The following EIF4G3 variants were observed in gnomAD, a reference collection of about 807,000 sequenced individuals.
EIF4G3 encodes eIF-4-gamma 3.
Under a neutral mutation model 186.4 loss-of-function variants are expected in EIF4G3, and 34 were observed. That is an observed-to-expected ratio of 0.18 (90% CI 0.14 to 0.24). The LOEUF (loss-of-function observed/expected upper bound fraction) is 0.24, where lower values mean the gene tolerates loss of function less well. EIF4G3 is among the 10% of genes least tolerant of loss of function. EIF4G3 has a pLI of 1.00. For missense variants in EIF4G3, 1,536 were observed against 1,948.5 expected (o/e 0.79, Z 3.99); for synonymous variants, 673 against 679.5 (o/e 0.99, Z 0.15).
chr1:21,159,437 A>G (rs1002794424), intron 2 of EIF4G3, among the ~76,000 whole-genome samples: 2 of 151,584 alleles, frequency 1.3e-5, no homozygotes, highest in African/African-American at 4.9e-5. Context: ...GGTTTAAAAA[A>G]AAAAAAAAGA....
intron 18 of EIF4G3, chr1:20,892,817 A>G: frequency 1.1e-6 from 1 of 908,794 alleles, no homozygotes; most frequent in Non-Finnish European, 1.7e-6. Flanking sequence ...CAAAACAGGA[A>G]TCTTATCAAG....
intron 20 of EIF4G3, 28 bp downstream of exon 20, chr1:20,879,295 C>T: frequency 6.5e-7 from 1 of 1,530,196 alleles, no homozygotes. Flanking sequence ...TTGAAGATTT[C>T]TCGTTTTACT....
At chr1:20,878,543 T>C (rs1051441408) in intron 20 of EIF4G3, among the ~76,000 whole-genome samples, 15 of 152,332 alleles carry the variant, frequency 9.8e-5, no homozygotes, top group African/African-American at 3.4e-4. Context: ...ACCTTTGACA[T>C]AGGTAGTCAA....
rs10916865 is a variant in EIF4G3, at chr1:20,810,117, C to T, written c.4744+621G>A. Among the ~76,000 whole-genome samples, 83,335 of 151,558 alleles carry T rather than the reference C, an allele frequency of 0.55. 23,722 individuals carry two copies. Among genetic ancestry groups the T allele is most frequent in the East Asian group, 0.83 (4,290 of 5,168 alleles). On this transcript the variant is annotated intron_variant, in intron 36 of 36. Coordinates refer to ENST00000602326, the MANE Select transcript of EIF4G3 (RefSeq NM_001391906.1). The surrounding 1 kb of genome is among the most constrained non-coding windows in gnomAD (Gnocchi z 4.1). ...TTCTGAGTAGCTGTAGCTGGGACTA[C>T]AGGCACATGCCACCACACCTAGCCA... is the stretch of plus-strand genomic sequence containing the variant.
intron 4 of EIF4G3, among the ~76,000 whole-genome samples, chr1:21,031,644 A>G (rs962922205): frequency 6.6e-6 from 1 of 152,180 alleles, no homozygotes; most frequent in African/African-American, 2.4e-5. Flanking sequence ...GACAACAAAA[A>G]GGACTTGCCA....
At chr1:20,830,320 C>CA (rs1474259295) in intron 30 of EIF4G3, among the ~76,000 whole-genome samples, 1 of 152,192 alleles carries the variant, frequency 6.6e-6, no homozygotes. Flanking sequence ...GCTGCCACTT[C>CA]AAAACAGTTT....
chr1:20,820,960 A>T (rs1267693423), intron 33 of EIF4G3, among the ~76,000 whole-genome samples: 2 of 151,954 alleles, frequency 1.3e-5, no homozygotes, highest in Non-Finnish European at 2.9e-5. Flanking sequence ...ACTAGAGAGG[A>T]GCTACCCACT....
chr1:20,949,962 G>T, intron 13 of EIF4G3, 41 bp downstream of exon 13: 1 of 1,512,294 alleles, frequency 6.6e-7, no homozygotes, highest in Non-Finnish European at 9.2e-7. Context: ...TAATAAAAAA[G>T]AGACTAAAGA....
At chr1:20,942,669 C>T (rs1213382276) in intron 13 of EIF4G3, among the ~76,000 whole-genome samples, 2 of 152,036 alleles carry the variant, frequency 1.3e-5, no homozygotes, top group Non-Finnish European at 2.9e-5. Context: ...GTAGGAAAAC[C>T]TTCATTTCTA....
chr1:20,842,860 A>G (rs1402745839), intron 29 of EIF4G3, among the ~76,000 whole-genome samples: 1 of 141,134 alleles, frequency 7.1e-6, no homozygotes, highest in Non-Finnish European at 1.5e-5. Context: ...TTTTTTTTTT[A>G]AAGAGAGAAG....
chr1:20,900,853 T>C (rs557876472), intron 15 of EIF4G3, among the ~76,000 whole-genome samples: 2 of 152,300 alleles, frequency 1.3e-5, no homozygotes, highest in Admixed American at 1.3e-4. Context: ...AGTAGTGTCA[T>C]ATATAGCAGA....
chr1:20,986,744 C>CAAAAAAAAAAAAA lies in EIF4G3; in HGVS notation c.178-4349_178-4337dup, dbSNP rs61255473. Among the ~76,000 whole-genome samples the CAAAAAAAAAAAAA allele has an allele frequency of 2.7e-4, 18 of 66,314 alleles. 1 individual carries two copies. The highest frequency in any genetic ancestry group is 8.3e-4 in the South Asian group (1 of 1,212). The allele number at this position is 66,314 out of a possible 152,430, so 43.5% of individuals were successfully genotyped here. On this transcript the variant is annotated intron_variant, in intron 7 of 36. Transcript: ENST00000602326. ...AGCCTGGGCGACAGAGCTCTGTCTC[C>CAAAAAAAAAAAAA]AAAAAAAAAAAAAAAAAAAAAAAAA...
In EIF4G3 at chr1:20,848,746, T is replaced by A. The variant is rs549060051; in HGVS notation, c.3888+669A>T. ...GATTAATATGAGAATGATAACAGAA[T>A]GATTATAAAGACCATGACAGGCCAG... is the stretch of plus-strand genomic sequence containing the variant. On this transcript the variant is annotated intron_variant, in intron 29 of 36. Transcript: ENST00000602326. 2.6e-5 allele frequency among the ~76,000 whole-genome samples: 4 copies of A among 152,128 alleles called. No homozygotes were observed. In the East Asian group the frequency reaches 7.7e-4, roughly 29 times the overall value.
At chr1:21,122,993 T>A (rs1268739031) in intron 2 of EIF4G3, among the ~76,000 whole-genome samples, 1 of 152,122 alleles carries the variant, frequency 6.6e-6, no homozygotes, top group Non-Finnish European at 1.5e-5. Context: ...CCAATCCCAA[T>A]AAAAAGTAAA....
chr1:20,891,445 T>C (rs1440949909), intron 18 of EIF4G3, among the ~76,000 whole-genome samples: 1 of 151,656 alleles, frequency 6.6e-6, no homozygotes, highest in Non-Finnish European at 1.5e-5. Flanking sequence ...AATAAAAATT[T>C]CAACATTAAA....
chr1:20,862,364 C>T (rs759795973), intron 22 of EIF4G3, 32 bp from the exon 23 acceptor site: 2 of 1,301,254 alleles, frequency 1.5e-6, no homozygotes, highest in Admixed American at 2.2e-5. Flanking sequence ...GTACTCCTGT[C>T]TGAGAAACTT....
At chr1:21,090,898 AT>A (rs770926379) in intron 2 of EIF4G3, among the ~76,000 whole-genome samples, 6 of 152,220 alleles carry the variant, frequency 3.9e-5, no homozygotes, top group Non-Finnish European at 5.9e-5. Flanking sequence ...AGATAAAAAA[AT>A]AATGCAAAGG....
chr1:21,093,545 A>G (rs2096267398), intron 2 of EIF4G3, among the ~76,000 whole-genome samples: 1 of 152,224 alleles, frequency 6.6e-6, no homozygotes, highest in Non-Finnish European at 1.5e-5. Flanking sequence ...CAGTGTGGTG[A>G]TTCCTCAAGG....
At chr1:20,964,828 G>C (rs1477458674) in intron 12 of EIF4G3, among the ~76,000 whole-genome samples, 1 of 152,138 alleles carries the variant, frequency 6.6e-6, no homozygotes, top group African/African-American at 2.4e-5. Context: ...TAACACCAGA[G>C]TCCTGTAAGT....
Sources: gnomAD v4.1 joint callset for allele counts (sites outside exome capture counted in the v4.1 genomes callset) on GRCh38, gnomAD v4.1.1 for gene constraint, Gnocchi (gnomAD v3.1) non-coding constraint, MANE v1.5 for transcripts, NCBI Gene and HGNC (gene_info 2026-07-23, HGNC 2026-07-21) for gene names.